GLOD5: variants seen among roughly 807,000 people sequenced by gnomAD.
GLOD5 encodes the protein glyoxalase domain-containing protein 5.
GLOD5 carries 7 observed loss-of-function variants against 9.9 expected under a neutral mutation model. That is an observed-to-expected ratio of 0.71 (90% CI 0.40 to 1.33). The LOEUF (loss-of-function observed/expected upper bound fraction) is 1.33, where lower values mean the gene tolerates loss of function less well. Ranked by LOEUF, GLOD5 falls within the 40% of genes most tolerant of loss-of-function variation. The probability of loss-of-function intolerance (pLI) is 0.01; values close to 1 mark genes in which losing one functional copy is unlikely to be tolerated. For synonymous variants in GLOD5, 49 were observed against 47.3 expected, an observed-to-expected ratio of 1.04 and a Z score of -0.14; for missense variants, 146 against 128.4, an observed-to-expected ratio of 1.14 and a Z score of -0.66.
intron 2 of GLOD5, among the ~76,000 whole-genome samples, chrX:48,769,840 C>T (rs2062617929): frequency 1.9e-5 from 2 of 107,458 alleles, no homozygotes; most frequent in Non-Finnish European, 3.9e-5. Flanking sequence ...ATTAGCCAGG[C>T]GTGGTGGGGT....
At chrX:48,767,440 A>G (rs945564452) in intron 2 of GLOD5, among the ~76,000 whole-genome samples, 16 of 111,840 alleles carry the variant, frequency 1.4e-4, no homozygotes, top group Non-Finnish European at 2.6e-4. Flanking sequence ...CAGCCTGGCC[A>G]ACATGGTGAA....
chrX:48,761,899 T>C (rs911122742), intron 1 of GLOD5, 46 bp downstream of exon 1: 5 of 987,500 alleles, frequency 5.1e-6, no homozygotes, highest in African/African-American at 1.9e-5. Context: ...GTGTTGGCAC[T>C]GAAACTGGTC....
At chrX:48,766,615 G>A (rs1557016715) in intron 2 of GLOD5, among the ~76,000 whole-genome samples, 2 of 110,036 alleles carry the variant, frequency 1.8e-5, no homozygotes, top group African/African-American at 6.6e-5. Flanking sequence ...GCTGTGCATG[G>A]TGGTGCACGC....
intron 3 of GLOD5, 87 bp downstream of exon 3, chrX:48,771,169 C>T (rs781787806): frequency 4.0e-5 from 28 of 692,683 alleles, no homozygotes; most frequent in Middle Eastern, 5.2e-4. Flanking sequence ...CAAGTTTTAC[C>T]ACAACCAGAT....
At chrX:48,763,903 G>C in intron 1 of GLOD5, among the ~76,000 whole-genome samples, 1 of 111,360 alleles carries the variant, frequency 9.0e-6, no homozygotes, top group Non-Finnish European at 1.9e-5. Context: ...TTTAGCTGGA[G>C]CTCAGTGAAA....
At position 48,761,832 on chromosome X, in the gene GLOD5, G is replaced by C. The variant is rs1265424883; in HGVS notation, c.42G>C (p.Trp14Cys). ...HLPSRLPVKM[W>C]GRTLEKQSWR... ...CCTCCAGGCTGCCAGTCAAGATGTGGGGCAGGACTTTGGAGAAACAGGTGA... is the reference window on the plus strand; with the variant it reads ...CCTCCAGGCTGCCAGTCAAGATGTGCGGCAGGACTTTGGAGAAACAGGTGA... The change falls in exon 1 of 4, where the codon TGG becomes TGC. Residue 14 changes from tryptophan (W) to cysteine (C), a missense_variant. Physicochemically the swap from Trp to Cys is radical, Grantham distance 215. Coordinates refer to ENST00000303227, the MANE Select transcript of GLOD5 (RefSeq NM_001080489.3). The C allele has an allele frequency of 3.4e-6, 4 of 1,164,067 alleles. No homozygotes were observed. The African/African-American group carries it at 7.2e-5, about 21-fold the overall frequency.
At chrX:48,765,755 T>C (rs1023848063) in intron 1 of GLOD5, 80 bp from the exon 2 acceptor site, 10 of 1,046,432 alleles carry the variant, frequency 9.6e-6, no homozygotes, top group Admixed American at 9.2e-5. Flanking sequence ...ATTGGGGAGG[T>C]AGGGGGAGGT....
Position 48,773,481 on chromosome X carries a change from T to A in GLOD5, c.*46T>A. 5.1e-6 allele frequency: 6 copies of A among 1,177,011 alleles called. No individual in the cohort carries two copies. The highest frequency in any genetic ancestry group is 6.9e-6 in the Non-Finnish European group (6 of 871,178). ...TTCTGTCCCCCTTGATGTCGCCCTC[T>A]CCTTTCCTTCCTGCAAACCCCCACC... On this transcript the variant is annotated 3_prime_UTR_variant, in exon 4 of 4. Coordinates refer to ENST00000303227, the MANE Select transcript of GLOD5 (RefSeq NM_001080489.3).
rs782227585 is a variant in GLOD5 at position 48,773,312 on chromosome X, T to C, written c.360T>C (p.Ala120=). 1.2e-5 allele frequency: 14 copies of C among 1,211,097 alleles called. No homozygotes were observed. The East Asian group carries it at 4.1e-4, about 36-fold the overall frequency. The change falls in exon 4 of 4, where the codon GCT becomes GCC. Residue 120 remains alanine (A), a splice_region_variant and synonymous_variant. Transcript: ENST00000303227. ...TTTGTCTTTTCTTCCCACTTCAGGC[T>C]TGTGATGTCCCTATTGAGGAGGGGC... The part of the protein sequence containing the change: ...PLEEMIQHLK[A]CDVPIEEGPV...
At chrX:48,763,739 T>C (rs2062602256) in intron 1 of GLOD5, among the ~76,000 whole-genome samples, 1 of 112,110 alleles carries the variant, frequency 8.9e-6, no homozygotes, top group Non-Finnish European at 1.9e-5. Context: ...TTTCAACATA[T>C]GACTTTATTT....
At chrX:48,766,148 A>G in intron 2 of GLOD5, 176 bp downstream of exon 2, 2 of 441,010 alleles carry the variant, frequency 4.5e-6, no homozygotes, top group Non-Finnish European at 3.9e-6. Context: ...ATGGAGAAAA[A>G]AGAGAGGAGG....
intron 3 of GLOD5, among the ~76,000 whole-genome samples, chrX:48,772,734 T>C (rs1557017563): frequency 9.0e-6 from 1 of 110,755 alleles, no homozygotes; most frequent in African/African-American, 3.3e-5. Context: ...GTTCGAATTC[T>C]GGTTCTGCCA....
At chrX:48,765,618 A>C (rs781875510) in intron 1 of GLOD5, 4 of 480,022 alleles carry the variant, frequency 8.3e-6, no homozygotes, top group Non-Finnish European at 1.5e-5. Context: ...GGAAACAAGG[A>C]AACAGTGGAA....
At chrX:48,766,451 A>G (rs2062609194) in intron 2 of GLOD5, among the ~76,000 whole-genome samples, 1 of 111,947 alleles carries the variant, frequency 8.9e-6, no homozygotes, top group African/African-American at 3.2e-5. Context: ...CAAACTATTA[A>G]CCAAAGGTAA....
rs979870011 is a variant in GLOD5 at position 48,764,992 on chromosome X, A to C, written c.64-843A>C. Among the ~76,000 whole-genome samples the C allele has an allele frequency of 2.9e-4, 32 of 111,347 alleles. 1 individual carries two copies. Among genetic ancestry groups the C allele is most frequent in the Non-Finnish European group, 9.4e-5 (5 of 53,071 alleles). On this transcript the variant is annotated intron_variant, in intron 1 of 3. Transcript: ENST00000303227. ...AAGTGTGCTGAGGGCGGGAAAGTGG[A>C]AGGTTGGGGAGTGGTCCTCCCTCTG...
intron 1 of GLOD5, 146 bp from the exon 2 acceptor site, chrX:48,765,689 A>T (rs782588165): frequency 3.7e-5 from 23 of 615,211 alleles, no homozygotes; most frequent in Non-Finnish European, 6.0e-5. Flanking sequence ...AGACTCTACC[A>T]GTAAGTATTC....
intron 1 of GLOD5, 29 bp from the exon 2 acceptor site, chrX:48,765,806 T>C: frequency 1.7e-6 from 2 of 1,183,602 alleles, no homozygotes; most frequent in Non-Finnish European, 2.3e-6. Flanking sequence ...GGCAATGTGG[T>C]CTCTTCTGAC....
Position 48,765,816 on chromosome X carries a change from C to T in GLOD5, c.64-19C>T. On this transcript the variant is annotated intron_variant, in intron 1 of 3. Transcript: ENST00000303227. ...CAAGTGGCAATGTGGTCTCTTCTGACTTTTTTTTCTTTTTTTAGTCATGGA... is the reference window on the plus strand; with the variant it reads ...CAAGTGGCAATGTGGTCTCTTCTGATTTTTTTTTCTTTTTTTAGTCATGGA... The T allele has an allele frequency of 1.7e-6, 2 of 1,172,286 alleles. No homozygotes were observed. The highest frequency in any genetic ancestry group is 2.0e-5 in the South Asian group (1 of 51,203).
chrX:48,772,933 T>C, intron 3 of GLOD5, among the ~76,000 whole-genome samples: 1 of 110,706 alleles, frequency 9.0e-6, no homozygotes, highest in Non-Finnish European at 1.9e-5. Context: ...TCTAGGCCAC[T>C]ATAAGGAATT....
Sources: allele counts gnomAD v4.1 joint callset (sites outside exome capture counted in the v4.1 genomes callset), GRCh38; gene constraint gnomAD v4.1.1; transcripts MANE v1.5; gene names NCBI Gene and HGNC (gene_info 2026-07-23, HGNC 2026-07-21).